The following SRGAP2 variants were observed in gnomAD, a reference collection of about 807,000 sequenced individuals.
The protein encoded by SRGAP2 is SLIT-ROBO Rho GTPase-activating protein 2.
Under a neutral mutation model 57.2 loss-of-function variants are expected in SRGAP2, and 15 were observed. The observed-to-expected ratio is 0.26, with a 90% CI of 0.18 to 0.40. SRGAP2 has a LOEUF of 0.40. SRGAP2 is among the 10% of genes least tolerant of loss of function. The pLI, the probability that SRGAP2 is intolerant of heterozygous loss-of-function variation, is 1.00. For synonymous variants in SRGAP2, 249 were observed against 248.0 expected (o/e 1.00, Z -0.04); for missense variants, 520 against 669.6 (o/e 0.78, Z 2.47).
At chr1:206,418,914 G>C (rs1553363215) in intron 11 of SRGAP2, among the ~76,000 whole-genome samples, 1 of 151,870 alleles carries the variant, frequency 6.6e-6, no homozygotes, top group African/African-American at 2.4e-5. Flanking sequence ...GTGTGTGTGT[G>C]TGTGTGTGTG....
intron 2 of SRGAP2, among the ~76,000 whole-genome samples, chr1:206,266,040 GATCAT>G (rs1320517974): frequency 6.6e-6 from 1 of 151,416 alleles, no homozygotes; most frequent in Non-Finnish European, 1.5e-5. Flanking sequence ...GGTGCTTAGA[GATCAT>G]CTAGTGCAGG....
intron 3 of SRGAP2, among the ~76,000 whole-genome samples, chr1:206,322,721 T>C (rs1410424339): frequency 6.8e-6 from 1 of 146,638 alleles, no homozygotes; most frequent in African/African-American, 2.7e-5. Context: ...GCTGACTAGT[T>C]CTTTCTTTCC....
chr1:206,254,140 C>T (rs1558255078), intron 2 of SRGAP2, among the ~76,000 whole-genome samples: 1 of 104,954 alleles, frequency 9.5e-6, no homozygotes, highest in African/African-American at 4.5e-5. Context: ...CTTGCCTAAA[C>T]CCTAAGCTGC....
intron 2 of SRGAP2, chr1:206,214,543 A>G (rs1666523565): frequency 6.7e-6 from 1 of 149,158 alleles, no homozygotes; most frequent in African/African-American, 2.6e-5. Flanking sequence ...ACCTATTGAA[A>G]TCTCATCCTT....
intron 3 of SRGAP2, among the ~76,000 whole-genome samples, chr1:206,322,334 G>A (rs2102835732): frequency 6.9e-6 from 1 of 145,874 alleles, no homozygotes; most frequent in South Asian, 2.2e-4. Context: ...AGTACTTTGG[G>A]AGGCCGAGGC....
At chr1:206,424,858 A>C (rs559864764) in intron 13 of SRGAP2, among the ~76,000 whole-genome samples, 1 of 152,322 alleles carries the variant, frequency 6.6e-6, no homozygotes, top group African/African-American at 2.4e-5. Flanking sequence ...TTGTGCTCCT[A>C]CTGGACTCTT....
intron 2 of SRGAP2, among the ~76,000 whole-genome samples, chr1:206,210,663 T>A (rs1553302284): frequency 6.7e-6 from 1 of 148,340 alleles, no homozygotes; most frequent in Non-Finnish European, 1.5e-5. Flanking sequence ...CCTTGGGAGG[T>A]CTGAGCAGTT....
At chr1:206,419,297 A>G (rs557857824) in intron 11 of SRGAP2, 76 bp from the exon 12 acceptor site, 93 of 771,922 alleles carry the variant, frequency 1.2e-4, no homozygotes, top group Admixed American at 1.0e-3. Context: ...TAGGCATGGT[A>G]GTTACTAGGA....
chr1:206,435,486 G>A (rs1463313978), intron 14 of SRGAP2, among the ~76,000 whole-genome samples: 1 of 152,172 alleles, frequency 6.6e-6, no homozygotes, highest in Non-Finnish European at 1.5e-5. Flanking sequence ...CCAACCCCTG[G>A]GGCTGGCACT....
chr1:206,224,320 G>T (rs1437031868), intron 2 of SRGAP2, among the ~76,000 whole-genome samples: 3 of 151,094 alleles, frequency 2.0e-5, no homozygotes, highest in Non-Finnish European at 4.4e-5. Flanking sequence ...TGAGTATGTA[G>T]TTTCTGTGAG....
intron 14 of SRGAP2, among the ~76,000 whole-genome samples, chr1:206,432,261 C>T (rs183481747): frequency 8.5e-5 from 13 of 152,244 alleles, no homozygotes; most frequent in African/African-American, 2.9e-4. Context: ...AGCCACAGTG[C>T]GTGAGTGCTT....
intron 5 of SRGAP2, 55 bp downstream of exon 5, chr1:206,384,131 CAGCT>C: frequency 1.4e-6 from 1 of 695,984 alleles, no homozygotes; most frequent in Non-Finnish European, 2.6e-6. Context: ...CAGCATTTGG[CAGCT>C]TGCAGCCATA....
At chr1:206,378,809 C>G (rs1655456933) in intron 4 of SRGAP2, among the ~76,000 whole-genome samples, 1 of 152,210 alleles carries the variant, frequency 6.6e-6, no homozygotes, top group South Asian at 2.1e-4. Flanking sequence ...CGCGAAGGTC[C>G]ACAGCTTCAT....
chr1:206,389,690 A>G (rs1265594887), intron 5 of SRGAP2, among the ~76,000 whole-genome samples: 1 of 151,860 alleles, frequency 6.6e-6, no homozygotes, highest in Non-Finnish European at 1.5e-5. Context: ...TACCTAAATG[A>G]TAATCATTTT....
chr1:206,397,092 T>A (rs1330631031), intron 7 of SRGAP2, among the ~76,000 whole-genome samples: 7 of 151,616 alleles, frequency 4.6e-5, no homozygotes, highest in Non-Finnish European at 4.4e-5. Flanking sequence ...TCTTGTCTCT[T>A]CCCAGCCAAT....
chr1:206,243,725 C>T (rs1668382942), intron 2 of SRGAP2, among the ~76,000 whole-genome samples: 1 of 152,174 alleles, frequency 6.6e-6, no homozygotes, highest in South Asian at 2.1e-4. Context: ...CCATGGAGAC[C>T]ATCTGGATCT....
intron 1 of SRGAP2, 156 bp downstream of exon 1, chr1:206,203,806 T>A: frequency 2.0e-6 from 3 of 1,531,038 alleles, no homozygotes; most frequent in Non-Finnish European, 2.6e-6. Flanking sequence ...CCGCCCCCCC[T>A]CCACCCTCTC....
At position 206,395,559 on chromosome 1, in the gene SRGAP2, C is replaced by T. The variant is rs201489542; in HGVS notation, c.831+1886C>T. ...GCATAAGGAAGAGAATCCATTCTTT[C>T]TTATGCACAATTTCTGCTATTTATC... On this transcript the variant is annotated intron_variant, in intron 7 of 22. Coordinates refer to ENST00000573034, the MANE Select transcript of SRGAP2 (RefSeq NM_015326.5). Among the ~76,000 whole-genome samples the T allele has an allele frequency of 9.5e-4, 141 of 148,040 alleles. 2 individuals are homozygous for T. In the East Asian group the frequency reaches 0.026, roughly 27 times the overall value.
At chr1:206,356,813 C>T (rs1394530221) in intron 4 of SRGAP2, among the ~76,000 whole-genome samples, 1 of 147,640 alleles carries the variant, frequency 6.8e-6, no homozygotes, top group Non-Finnish European at 1.5e-5. Context: ...TGGACTTTCT[C>T]TGGTCTTTTA....
Sources: gnomAD v4.1 joint callset for allele counts (sites outside exome capture counted in the v4.1 genomes callset) on GRCh38, gnomAD v4.1.1 for gene constraint, MANE v1.5 for transcripts, NCBI Gene and HGNC (gene_info 2026-07-23, HGNC 2026-07-21) for gene names.